EXOC6B: variants seen among roughly 807,000 people sequenced by gnomAD.
EXOC6B encodes the protein exocyst complex component 6B.
Under a neutral mutation model 113.5 loss-of-function variants are expected in EXOC6B, and 54 were observed. The ratio of observed to expected loss-of-function variants is 0.48; its 90% CI spans 0.38 to 0.60. The LOEUF (loss-of-function observed/expected upper bound fraction) is 0.60. Among genes scored for constraint, EXOC6B ranks in the 20% least tolerant of loss-of-function variants. The probability of loss-of-function intolerance (pLI) is 0.00; values close to 1 mark genes in which losing one functional copy is unlikely to be tolerated. For synonymous variants in EXOC6B, 357 were observed against 339.0 expected (o/e 1.05, Z -0.58); for missense variants, 797 against 977.5 (o/e 0.82, Z 2.46).
At chr2:72,494,783 C>G (rs145985448) in intron 15 of EXOC6B, among the ~76,000 whole-genome samples, 1 of 152,168 alleles carries the variant, frequency 6.6e-6, no homozygotes, top group African/African-American at 2.4e-5. Context: ...AGACAGGGAC[C>G]ACATTTTCAG....
chr2:72,592,154 T>C (rs932130673), intron 6 of EXOC6B, among the ~76,000 whole-genome samples: 13 of 152,104 alleles, frequency 8.5e-5, no homozygotes, highest in African/African-American at 3.1e-4. Context: ...GCCGACTGTT[T>C]AAAGGCATCA....
chr2:72,621,379 T>C (rs1198346863), intron 6 of EXOC6B, among the ~76,000 whole-genome samples: 2 of 152,236 alleles, frequency 1.3e-5, no homozygotes, highest in Middle Eastern at 6.8e-3. Flanking sequence ...CTGGAGGCCA[T>C]AATCCTAAGC....
At chr2:72,533,060 A>G (rs1702098792) in intron 8 of EXOC6B, among the ~76,000 whole-genome samples, 1 of 152,174 alleles carries the variant, frequency 6.6e-6, no homozygotes, top group Non-Finnish European at 1.5e-5. Context: ...CTCCCTTAAG[A>G]GGGTACTAAA....
At chr2:72,283,457 G>A (rs1421252681) in intron 20 of EXOC6B, among the ~76,000 whole-genome samples, 2 of 152,142 alleles carry the variant, frequency 1.3e-5, no homozygotes, top group Non-Finnish European at 2.9e-5. Flanking sequence ...AACCTCTATG[G>A]GAACCAGTGC....
intron 8 of EXOC6B, among the ~76,000 whole-genome samples, chr2:72,522,397 T>C (rs1431699836): frequency 6.6e-6 from 1 of 152,190 alleles, no homozygotes; most frequent in East Asian, 1.9e-4. Context: ...AACACACTTC[T>C]CAGGCAACAT....
At chr2:72,582,572 T>C (rs1276915914) in intron 6 of EXOC6B, among the ~76,000 whole-genome samples, 1 of 151,866 alleles carries the variant, frequency 6.6e-6, no homozygotes, top group Non-Finnish European at 1.5e-5. Flanking sequence ...TTCGCTCTTG[T>C]TGCCCAGGCT....
intron 20 of EXOC6B, among the ~76,000 whole-genome samples, chr2:72,319,681 T>C (rs746856403): frequency 2.0e-5 from 3 of 152,194 alleles, no homozygotes; most frequent in Non-Finnish European, 4.4e-5. Context: ...TCACAAAATA[T>C]GCACAAGATT....
At chr2:72,720,906 T>C (rs1167861591) in intron 5 of EXOC6B, among the ~76,000 whole-genome samples, 3 of 151,474 alleles carry the variant, frequency 2.0e-5, no homozygotes, top group African/African-American at 7.3e-5. Context: ...TAGGAAAGCT[T>C]CTATAAGCAT....
chr2:72,410,143 C>T (rs1044750303), intron 18 of EXOC6B, among the ~76,000 whole-genome samples: 6 of 152,176 alleles, frequency 3.9e-5, no homozygotes, highest in Admixed American at 2.0e-4. Flanking sequence ...TCTGCTTATT[C>T]TTCAATGTTT....
intron 20 of EXOC6B, among the ~76,000 whole-genome samples, chr2:72,291,699 A>C (rs922506316): frequency 2.6e-5 from 4 of 152,196 alleles, no homozygotes; most frequent in African/African-American, 9.6e-5. Flanking sequence ...AGAAGTCTGC[A>C]GTCTCTCACT....
intron 2 of EXOC6B, among the ~76,000 whole-genome samples, chr2:72,733,625 C>T (rs76066943): frequency 0.012 from 1,773 of 152,232 alleles, 30 homozygotes; most frequent in African/African-American, 0.041. Context: ...CACTTCCATA[C>T]TTCCATTTTT....
chr2:72,715,135 G>A (rs1038866117), intron 6 of EXOC6B, among the ~76,000 whole-genome samples: 1 of 152,034 alleles, frequency 6.6e-6, no homozygotes, highest in Non-Finnish European at 1.5e-5. Context: ...GCTGAGGCAG[G>A]AGAATCACTT....
chr2:72,230,711 A>G (rs571157795), intron 20 of EXOC6B, among the ~76,000 whole-genome samples: 1 of 152,342 alleles, frequency 6.6e-6, no homozygotes, highest in Admixed American at 6.5e-5. Flanking sequence ...AATAAATTTA[A>G]GTGTGCAATT....
chr2:72,299,816 A>G (rs1446448641), intron 20 of EXOC6B, among the ~76,000 whole-genome samples: 1 of 152,004 alleles, frequency 6.6e-6, no homozygotes, highest in Non-Finnish European at 1.5e-5. Context: ...GGTCTGGTGG[A>G]GGTTGCTGGA....
intron 6 of EXOC6B, among the ~76,000 whole-genome samples, chr2:72,682,250 C>CA (rs1294605380): frequency 6.6e-6 from 1 of 152,132 alleles, no homozygotes; most frequent in Non-Finnish European, 1.5e-5. Flanking sequence ...ACAATGGCTC[C>CA]AACCATTTCC....
intron 20 of EXOC6B, among the ~76,000 whole-genome samples, chr2:72,218,382 CTAGAA>C (rs1680663800): frequency 6.6e-6 from 1 of 152,084 alleles, no homozygotes; most frequent in Admixed American, 6.5e-5. Flanking sequence ...GGGACTCAAC[CTAGAA>C]TAAAGAGGCC....
At chr2:72,724,759 A>C (rs367836074) in intron 5 of EXOC6B, among the ~76,000 whole-genome samples, 2 of 152,242 alleles carry the variant, frequency 1.3e-5, no homozygotes, top group African/African-American at 2.4e-5. Context: ...ACTTCTATAC[A>C]TGAAAAATAT....
chr2:72,519,670 A>G (rs1190317054), intron 8 of EXOC6B, among the ~76,000 whole-genome samples: 1 of 152,188 alleles, frequency 6.6e-6, no homozygotes, highest in Admixed American at 6.5e-5. Flanking sequence ...CAGTGTTTCC[A>G]GTGACTTTAT....
intron 13 of EXOC6B, among the ~76,000 whole-genome samples, chr2:72,496,767 A>G (rs770869353): frequency 6.6e-6 from 1 of 151,996 alleles, no homozygotes; most frequent in Non-Finnish European, 1.5e-5. Context: ...TTTAAAGAAG[A>G]CAAAAAGAAA....
Sources: allele counts gnomAD v4.1 joint callset (sites outside exome capture counted in the v4.1 genomes callset), GRCh38; gene constraint gnomAD v4.1.1; transcripts MANE v1.5; gene names NCBI Gene and HGNC (gene_info 2026-07-23, HGNC 2026-07-21).